Variants in SEMA6D observed in about 807,000 individuals in gnomAD.
The protein encoded by SEMA6D is semaphorin-6D.
Under a neutral mutation model 106.6 loss-of-function variants are expected in SEMA6D, and 35 were observed. The ratio of observed to expected loss-of-function variants is 0.33; its 90% CI spans 0.25 to 0.44. The LOEUF (loss-of-function observed/expected upper bound fraction) is 0.44. SEMA6D is among the 20% of genes least tolerant of loss of function. The pLI, the probability that SEMA6D is intolerant of heterozygous loss-of-function variation, is 1.00. For synonymous variants in SEMA6D, 499 were observed against 487.7 expected (o/e 1.02, Z -0.31); for missense variants, 1,185 against 1,345.9 (o/e 0.88, Z 1.87).
chr15:47,186,477 C>G (rs757289817), intron 1 of SEMA6D, among the ~76,000 whole-genome samples: 17 of 151,780 alleles, frequency 1.1e-4, no homozygotes, highest in Non-Finnish European at 1.9e-4. Flanking sequence ...CTCTCTCTCT[C>G]TTTTATCATA....
At chr15:47,602,159 C>T (rs1183945276) in intron 4 of SEMA6D, among the ~76,000 whole-genome samples, 1 of 152,108 alleles carries the variant, frequency 6.6e-6, no homozygotes, top group Admixed American at 6.6e-5. Flanking sequence ...CAGTTTCTTC[C>T]ATAATTCTTA....
At chr15:47,375,360 C>T (rs922758012) in intron 1 of SEMA6D, among the ~76,000 whole-genome samples, 14 of 152,176 alleles carry the variant, frequency 9.2e-5, no homozygotes, top group African/African-American at 3.4e-4. Context: ...CCCTTTCCCT[C>T]TCCCATTCCT....
At chr15:47,243,767 A>ATGTTGAGTGTTCT (rs1370168226) in intron 1 of SEMA6D, among the ~76,000 whole-genome samples, 4 of 152,126 alleles carry the variant, frequency 2.6e-5, no homozygotes, top group Non-Finnish European at 5.9e-5. Context: ...AGCAATAGAT[A>ATGTTGAGTGTTCT]TGTTGAGTGT....
intron 3 of SEMA6D, among the ~76,000 whole-genome samples, chr15:47,544,723 T>C (rs1410025376): frequency 6.6e-6 from 1 of 150,822 alleles, no homozygotes; most frequent in East Asian, 2.0e-4. Flanking sequence ...GTTGCTCCCA[T>C]GTGTGGCTCT....
At chr15:47,218,778 T>C (rs2030910866) in intron 1 of SEMA6D, among the ~76,000 whole-genome samples, 1 of 152,124 alleles carries the variant, frequency 6.6e-6, no homozygotes, top group Admixed American at 6.5e-5. Flanking sequence ...TGTTATCTCA[T>C]CTAACGGTCA....
chr15:47,755,337 G>A (rs1002821239), intron 1 of SEMA6D, among the ~76,000 whole-genome samples: 1 of 152,106 alleles, frequency 6.6e-6, no homozygotes. Flanking sequence ...CACAAAAAAA[G>A]CACAGTTATT....
intron 1 of SEMA6D, among the ~76,000 whole-genome samples, chr15:47,295,176 A>G (rs2035757605): frequency 6.6e-6 from 1 of 152,238 alleles, no homozygotes; most frequent in Non-Finnish European, 1.5e-5. Flanking sequence ...ACAAAGGTAA[A>G]TACACATACT....
chr15:47,357,081 T>A (rs1337089081), intron 1 of SEMA6D, among the ~76,000 whole-genome samples: 6 of 151,708 alleles, frequency 4.0e-5, no homozygotes, highest in Non-Finnish European at 8.8e-5. Flanking sequence ...TCGTCTGTAA[T>A]CCCAGCACTT....
At chr15:47,446,214 G>T (rs2042023724) in intron 2 of SEMA6D, among the ~76,000 whole-genome samples, 1 of 152,078 alleles carries the variant, frequency 6.6e-6, no homozygotes, top group Non-Finnish European at 1.5e-5. Context: ...GAACAGGGAG[G>T]CAATGATCAC....
chr15:47,648,869 C>G (rs2077631409), intron 4 of SEMA6D, among the ~76,000 whole-genome samples: 1 of 152,126 alleles, frequency 6.6e-6, no homozygotes, highest in African/African-American at 2.4e-5. Flanking sequence ...TTGTTTATAT[C>G]AATTAGCTTA....
chr15:47,766,510 T>A, intron 15 of SEMA6D, 106 bp from the exon 16 acceptor site: 1 of 921,746 alleles, frequency 1.1e-6, no homozygotes, highest in South Asian at 1.5e-5. Context: ...TTTCTCTCTC[T>A]GCCCATTCTT....
chr15:47,565,336 G>A (rs771585678), intron 3 of SEMA6D, among the ~76,000 whole-genome samples: 6 of 152,248 alleles, frequency 3.9e-5, no homozygotes, highest in Admixed American at 6.5e-5. Context: ...GGAGCACAGC[G>A]GGTCTGAGTG....
chr15:47,413,826 G>A (rs281212), intron 2 of SEMA6D, among the ~76,000 whole-genome samples: 95,284 of 151,960 alleles, frequency 0.63, 30,329 homozygotes, highest in Middle Eastern at 0.69. Flanking sequence ...ATTTTCATGT[G>A]GTCTTATAGC....
chr15:47,535,112 A>C (rs1042620961), intron 3 of SEMA6D, among the ~76,000 whole-genome samples: 1 of 148,316 alleles, frequency 6.7e-6, no homozygotes, highest in African/African-American at 2.5e-5. Context: ...AAAAAACACA[A>C]AAAAACACAA....
At chr15:47,357,427 C>T (rs1282964439) in intron 1 of SEMA6D, among the ~76,000 whole-genome samples, 1 of 152,092 alleles carries the variant, frequency 6.6e-6, no homozygotes, top group Non-Finnish European at 1.5e-5. Context: ...GAGAGCCACC[C>T]AGTAAAAGCA....
chr15:47,519,792 C>G (rs2044510454), intron 3 of SEMA6D, among the ~76,000 whole-genome samples: 1 of 152,162 alleles, frequency 6.6e-6, no homozygotes, highest in African/African-American at 2.4e-5. Flanking sequence ...TAGTACCTGC[C>G]CTTTCCTTCC....
At chr15:47,278,038 G>C (rs1425305688) in intron 1 of SEMA6D, among the ~76,000 whole-genome samples, 4 of 151,886 alleles carry the variant, frequency 2.6e-5, no homozygotes, top group Admixed American at 1.3e-4. Flanking sequence ...TTGGTTCCAA[G>C]TCTTTGCTAT....
At chr15:47,406,976 C>A (rs143125970) in intron 1 of SEMA6D, among the ~76,000 whole-genome samples, 1,767 of 152,092 alleles carry the variant, frequency 0.012, 35 homozygotes, top group African/African-American at 0.041. Flanking sequence ...ACAACAACAA[C>A]AAAAACAGAA....
At chr15:47,521,667 C>G (rs554686449) in intron 3 of SEMA6D, among the ~76,000 whole-genome samples, 16 of 152,288 alleles carry the variant, frequency 1.1e-4, no homozygotes, top group African/African-American at 3.4e-4. Context: ...AAAATCCTTC[C>G]TTTAAACTAG....
Sources: allele counts gnomAD v4.1 joint callset (sites outside exome capture counted in the v4.1 genomes callset), GRCh38; gene constraint gnomAD v4.1.1; transcripts MANE v1.5; gene names NCBI Gene and HGNC (gene_info 2026-07-23, HGNC 2026-07-21).